Variants in NFIX observed in about 807,000 individuals in gnomAD.
The protein encoded by NFIX is nuclear factor I X.
Under a neutral mutation model 53.3 loss-of-function variants are expected in NFIX, and 2 were observed. The observed-to-expected ratio is 0.04, with a 90% CI of 0.02 to 0.12. The LOEUF (loss-of-function observed/expected upper bound fraction) is 0.12. NFIX is among the 10% of genes least tolerant of loss of function. NFIX has a pLI of 1.00. For missense variants in NFIX, 310 were observed against 674.5 expected, an observed-to-expected ratio of 0.46 and a Z score of 5.99; for synonymous variants, 244 against 289.0, an observed-to-expected ratio of 0.84 and a Z score of 1.58.
chr19:13,017,482 GGGCAGGTGGTGA>G (rs1274866244), intron 1 of NFIX, among the ~76,000 whole-genome samples: 1 of 152,198 alleles, frequency 6.6e-6, no homozygotes, highest in Admixed American at 6.5e-5. Flanking sequence ...GCCGATCTGA[GGGCAGGTGGTGA>G]GGAGAAATCC....
At chr19:13,010,623 A>G (rs567146744) in intron 1 of NFIX, among the ~76,000 whole-genome samples, 108 of 152,328 alleles carry the variant, frequency 7.1e-4, no homozygotes, top group African/African-American at 2.5e-3. Flanking sequence ...TTTCCCTCCG[A>G]TGGAGCTTTC....
chr19:13,064,874 G>A (rs926153764), intron 2 of NFIX, among the ~76,000 whole-genome samples: 1 of 152,198 alleles, frequency 6.6e-6, no homozygotes, highest in African/African-American at 2.4e-5. Flanking sequence ...CATTTATGTA[G>A]CCCCAACTAT....
At chr19:13,079,968 G>A (rs1168804928) in intron 7 of NFIX, among the ~76,000 whole-genome samples, 1 of 152,350 alleles carries the variant, frequency 6.6e-6, no homozygotes, top group Non-Finnish European at 1.5e-5. Context: ...ACACCAGCTC[G>A]CACTCAGGAG....
rs376050632 is a variant in NFIX at position 13,025,596 on chromosome 19, T to C, written c.559+44T>C. 5.1e-6 allele frequency: 8 copies of C among 1,580,124 alleles called. No homozygotes were observed. The highest frequency in any genetic ancestry group is 6.9e-6 in the Non-Finnish European group (8 of 1,164,692). On this transcript the variant is annotated intron_variant, in intron 2 of 10. Transcript: ENST00000592199. The surrounding 1 kb of genome is among the most constrained non-coding windows in gnomAD (Gnocchi z 7.5). ...TTTTTCCCTCTCATTTTATTTTCCTTGCTGGCATTTGTTCTGTTTATTGTT... is the reference window on the plus strand; with the variant it reads ...TTTTTCCCTCTCATTTTATTTTCCTCGCTGGCATTTGTTCTGTTTATTGTT...
rs991180744 is a variant in NFIX at position 13,067,469 on chromosome 19, T to C, written c.560-5578T>C. On this transcript the variant is annotated intron_variant, in intron 2 of 10. Coordinates refer to ENST00000592199, the MANE Select transcript of NFIX (RefSeq NM_001365902.3). This position sits in a 1 kb window ranked among gnomAD's most constrained non-coding sequence, Gnocchi z 4.2. ...ACCTCCGTGTGTGTGCGCGCGTGTG[T>C]GTGTGTGTGTGTGCGTGTGTGTGTG... is the stretch of plus-strand genomic sequence containing the variant. Among the ~76,000 whole-genome samples the C allele has an allele frequency of 8.6e-6, 1 of 116,026 alleles. No homozygotes were observed. The highest frequency in any genetic ancestry group is 1.7e-5 in the Non-Finnish European group (1 of 58,486). The allele number at this position is 116,026 out of a possible 152,430, so 76.1% of individuals were successfully genotyped here.
chr19:13,001,409 C>T lies in NFIX; in HGVS notation c.27+5545C>T, dbSNP rs1030660060. On this transcript the variant is annotated intron_variant, in intron 1 of 10. Coordinates refer to ENST00000592199, the MANE Select transcript of NFIX (RefSeq NM_001365902.3). The surrounding 1 kb of genome is among the most constrained non-coding windows in gnomAD (Gnocchi z 6.5). Reference sequence around the variant, plus strand: ...GTATTTGGTAGTGGGGGTCGGGGAGCGTGCCACCATGCGTGTCAGTGTGCC... The same window carrying T: ...GTATTTGGTAGTGGGGGTCGGGGAGTGTGCCACCATGCGTGTCAGTGTGCC... Among the ~76,000 whole-genome samples the T allele has an allele frequency of 6.6e-6, 1 of 151,906 alleles. No homozygotes were observed. The highest frequency in any genetic ancestry group is 1.5e-5 in the Non-Finnish European group (1 of 67,984).
chr19:13,073,300 G>T lies in NFIX; in HGVS notation c.623-122G>T. On this transcript the variant is annotated intron_variant, in intron 3 of 10. Coordinates refer to ENST00000592199, the MANE Select transcript of NFIX (RefSeq NM_001365902.3). This position sits in a 1 kb window ranked among gnomAD's most constrained non-coding sequence, Gnocchi z 4.5. Reference sequence around the variant, plus strand: ...CCCCCTGTTCGGTGTAGACCTGAGGGCTAGCCTGGAGCTGGAAACGGGACT... The same window carrying T: ...CCCCCTGTTCGGTGTAGACCTGAGGTCTAGCCTGGAGCTGGAAACGGGACT... 2.0e-6 allele frequency: 2 copies of T among 997,518 alleles called. No homozygotes were observed. Among genetic ancestry groups the T allele is most frequent in the South Asian group, 1.3e-5 (1 of 77,356 alleles). The allele number at this position is 997,518 out of a possible 1,614,324, so 61.8% of individuals were successfully genotyped here.
intron 2 of NFIX, among the ~76,000 whole-genome samples, chr19:13,056,536 G>A (rs530894706): frequency 2.0e-5 from 3 of 152,266 alleles, no homozygotes; most frequent in East Asian, 1.9e-4. Context: ...AAGATCCTGC[G>A]TGGAGTCCCG....
rs1017354732 is a variant in NFIX at position 13,094,971 on chromosome 19, CCT to C, written c.*323_*324del. ...AAGGATGCAGAACTGCCTTCCTCCC[CCT>C]GACCCCGCCCCGGCCTTCTGGGGAA... On this transcript the variant is annotated 3_prime_UTR_variant, in exon 11 of 11. Coordinates refer to ENST00000592199, the MANE Select transcript of NFIX (RefSeq NM_001365902.3). This position sits in a 1 kb window ranked among gnomAD's most constrained non-coding sequence, Gnocchi z 4.3. 1.5e-5 allele frequency: 5 copies of C among 326,536 alleles called. No individual in the cohort carries two copies. The highest frequency in any genetic ancestry group is 4.3e-5 in the African/African-American group (2 of 46,952). The allele number at this position is 326,536 out of a possible 1,614,324, so 20.2% of individuals were successfully genotyped here.
Position 13,096,756 on chromosome 19 carries a change from C to T in NFIX, c.*2107C>T, listed in dbSNP as rs2145550669. Reference sequence around the variant, plus strand: ...TCGACGACAGTCGAGGGCTCGGGCTCTGTGGGACTGTGGGAGCTAGGGTCT... The same window carrying T: ...TCGACGACAGTCGAGGGCTCGGGCTTTGTGGGACTGTGGGAGCTAGGGTCT... On this transcript the variant is annotated 3_prime_UTR_variant, in exon 11 of 11. Coordinates refer to ENST00000592199, the MANE Select transcript of NFIX (RefSeq NM_001365902.3). 6.6e-6 allele frequency: 1 copy of T among 152,192 alleles called. No homozygotes were observed. Among genetic ancestry groups the T allele is most frequent in the East Asian group, 1.9e-4 (1 of 5,150 alleles). 9.4% of individuals were successfully genotyped at this position (152,192 alleles called of 1,614,324 possible).
chr19:13,039,908 G>A (rs141855854), intron 2 of NFIX, among the ~76,000 whole-genome samples: 131 of 152,208 alleles, frequency 8.6e-4, no homozygotes, highest in African/African-American at 2.8e-3. Flanking sequence ...AAAGGCTCAC[G>A]ATGGTATAAA....
intron 2 of NFIX, among the ~76,000 whole-genome samples, chr19:13,056,958 A>G (rs1431229042): frequency 1.3e-5 from 2 of 152,212 alleles, no homozygotes; most frequent in African/African-American, 2.4e-5. Context: ...TCTCTTCCCA[A>G]CCTGGGACGG....
intron 1 of NFIX, among the ~76,000 whole-genome samples, chr19:13,000,002 G>A (rs1365113126): frequency 6.6e-6 from 1 of 152,224 alleles, no homozygotes; most frequent in Non-Finnish European, 1.5e-5. Flanking sequence ...TTGATGCTGG[G>A]CCGAGCTCAG....
intron 2 of NFIX, among the ~76,000 whole-genome samples, chr19:13,026,660 A>G (rs1356149097): frequency 1.3e-5 from 2 of 152,136 alleles, no homozygotes; most frequent in Non-Finnish European, 2.9e-5. Flanking sequence ...CTCTGTGATT[A>G]AGCAAGGCAG....
In NFIX at chr19:13,025,143, G is replaced by A; in HGVS notation, c.150G>A (p.Lys50=). 1 of 1,614,254 alleles carries A rather than the reference G, an allele frequency of 6.2e-7. No homozygotes were observed. Among genetic ancestry groups the A allele is most frequent in the Non-Finnish European group, 8.5e-7 (1 of 1,180,050 alleles). The change falls in exon 2 of 11, where the codon AAG becomes AAA. Residue 50 remains lysine, a synonymous_variant. Coordinates refer to ENST00000592199, the MANE Select transcript of NFIX (RefSeq NM_001365902.3). This position sits in a 1 kb window ranked among gnomAD's most constrained non-coding sequence, Gnocchi z 7.5. ...AGAAGCATGAAAAGCGGATGTCGAA[G>A]GACGAGGAGCGGGCGGTGAAGGACG... ...YFKKHEKRMS[K]DEERAVKDEL... is the part of the protein sequence containing the mutation.
rs1174769782 is a variant in NFIX at position 13,001,160 on chromosome 19, A to G, written c.27+5296A>G. Among the ~76,000 whole-genome samples the G allele has an allele frequency of 6.6e-6, 1 of 152,110 alleles. No homozygotes were observed. Among genetic ancestry groups the G allele is most frequent in the Non-Finnish European group, 1.5e-5 (1 of 68,022 alleles). On this transcript the variant is annotated intron_variant, in intron 1 of 10. Coordinates refer to ENST00000592199, the MANE Select transcript of NFIX (RefSeq NM_001365902.3). This position sits in a 1 kb window ranked among gnomAD's most constrained non-coding sequence, Gnocchi z 6.5. The stretch of plus-strand genomic sequence containing the variant: ...CCCCAAAGCCCTGGATGTGGGGGCA[A>G]GTGGGCCAGGAGGACAGCTGTGAGC...
In NFIX at chr19:13,016,299, C is replaced by T. The variant is rs530748191; in HGVS notation, c.28-8722C>T. Among the ~76,000 whole-genome samples, 24 of 152,232 alleles carry T rather than the reference C, an allele frequency of 1.6e-4. No homozygotes were observed. The South Asian group carries it at 2.1e-3, about 13-fold the overall frequency. ...TGGTGGGAGGGCTTGTAAAAAATAG[C>T]GGGCTGATATAAAAGCTAGCAGGCA... is the stretch of plus-strand genomic sequence containing the variant. On this transcript the variant is annotated intron_variant, in intron 1 of 10. Coordinates refer to ENST00000592199, the MANE Select transcript of NFIX (RefSeq NM_001365902.3).
intron 1 of NFIX, among the ~76,000 whole-genome samples, chr19:13,008,726 T>C (rs2012161268): frequency 6.6e-6 from 1 of 152,104 alleles, no homozygotes. Context: ...TCCTCCATGC[T>C]CTGAGCCCCC....
intron 1 of NFIX, chr19:13,023,938 C>CCAA (rs2145186133): frequency 5.1e-6 from 2 of 392,690 alleles, no homozygotes; most frequent in Non-Finnish European, 4.8e-6. Flanking sequence ...TGCTCCTCCT[C>CCAA]CTCCCCCCTC....
Sources: allele counts gnomAD v4.1 joint callset (sites outside exome capture counted in the v4.1 genomes callset), GRCh38; gene constraint gnomAD v4.1.1; non-coding constraint Gnocchi (gnomAD v3.1); transcripts MANE v1.5; gene names NCBI Gene and HGNC (gene_info 2026-07-23, HGNC 2026-07-21).